Variants in IFT74 observed in about 807,000 individuals in gnomAD.
IFT74 encodes intraflagellar transport protein 74 homolog.
In IFT74, 92 loss-of-function variants were observed where a neutral mutation model predicts 96.7. The observed-to-expected ratio is 0.95, with a 90% CI of 0.80 to 1.13. IFT74 has a LOEUF of 1.13. IFT74 is among the 50% of genes most tolerant of loss of function. The pLI is 0.00. For synonymous variants in IFT74, 223 were observed against 213.2 expected, an observed-to-expected ratio of 1.05 and a Z score of -0.40; for missense variants, 811 against 698.2, an observed-to-expected ratio of 1.16 and a Z score of -1.82.
At chr9:26,971,553 A>T (rs1188715236) in intron 2 of IFT74, among the ~76,000 whole-genome samples, 1 of 152,102 alleles carries the variant, frequency 6.6e-6, no homozygotes, top group Non-Finnish European at 1.5e-5. Context: ...GGAAGAGAAA[A>T]TGGGGACTGT....
chr9:26,985,824 T>C (rs1827607667), intron 6 of IFT74, among the ~76,000 whole-genome samples: 1 of 152,212 alleles, frequency 6.6e-6, no homozygotes, highest in Admixed American at 6.5e-5. Context: ...GTTGTCATCT[T>C]GAAAATTTTG....
At chr9:26,952,434 G>T (rs1476654198), upstream of IFT74, among the ~76,000 whole-genome samples, 1 of 151,894 alleles carries the variant, frequency 6.6e-6, no homozygotes, top group Non-Finnish European at 1.5e-5. Context: ...CTGTCACCAT[G>T]CCCGGCTAAT....
chr9:26,995,282 A>G (rs370058585), intron 8 of IFT74: 2 of 355,202 alleles, frequency 5.6e-6, no homozygotes, highest in East Asian at 5.0e-5. Context: ...AAGCACTGCT[A>G]AGAATAGTAG....
At chr9:26,958,043 G>A (rs1826198933) in intron 1 of IFT74, among the ~76,000 whole-genome samples, 1 of 152,062 alleles carries the variant, frequency 6.6e-6, no homozygotes, top group African/African-American at 2.4e-5. Context: ...GTGAGCCACC[G>A]CTCCCGGTCG....
chr9:27,017,021 A>G lies in IFT74; in HGVS notation c.904A>G (p.Met302Val), dbSNP rs764370897. 3 of 1,607,814 alleles carry G rather than the reference A, an allele frequency of 1.9e-6. No individual in the cohort carries two copies. The highest frequency in any genetic ancestry group is 1.7e-5 in the Admixed American group (1 of 58,584). ...IAEDKSIGSP[M>V]EEREKLLKQI... is the part of the protein sequence containing the mutation. ...AGAAGACAAAAGCATAGGATCTCCA[A>G]TGGAAGAGAGAGAGAAATTACTTAA... is the stretch of plus-strand genomic sequence containing the variant. Residue 302 changes from methionine to valine, a missense_variant, in exon 11 of 20, where the codon ATG (methionine) becomes GTG (valine). Transcript: ENST00000380062.
At chr9:26,994,869 T>C (rs1828062238) in intron 8 of IFT74, 1 of 152,706 alleles carries the variant, frequency 6.5e-6, no homozygotes, top group East Asian at 1.9e-4. Context: ...AGTATGACAT[T>C]AAACTGTAGT....
rs771089503 is a variant in IFT74, at chr9:27,060,555, T to C, written c.1624-36T>C. On this transcript the variant is annotated intron_variant, in intron 18 of 19. Coordinates refer to ENST00000380062, the MANE Select transcript of IFT74 (RefSeq NM_025103.4). ...GAAAGGCATTTAATTGTTTTAAATA[T>C]GGGTCCTAATTAATATTTTTCTTTT... The C allele has an allele frequency of 5.0e-6, 7 of 1,391,870 alleles. No homozygotes were observed. In the South Asian group the frequency reaches 6.5e-5, roughly 13 times the overall value. 86.2% of individuals were successfully genotyped at this position (1,391,870 alleles called of 1,614,324 possible). A position where few individuals can be genotyped will look rare whatever the true frequency, so the allele number is the denominator to read the frequency against.
intron 6 of IFT74, among the ~76,000 whole-genome samples, chr9:26,987,152 T>G (rs1827676367): frequency 6.6e-6 from 1 of 152,068 alleles, no homozygotes; most frequent in Admixed American, 6.6e-5. Context: ...TGGGTTCAAG[T>G]GATTATCCTG....
chr9:26,950,572 G>A (rs558433486), intron 1 of IFT74, among the ~76,000 whole-genome samples: 8 of 152,146 alleles, frequency 5.3e-5, no homozygotes, highest in Admixed American at 1.3e-4. Flanking sequence ...ACAATAAAAC[G>A]ACAACAACAA....
chr9:26,975,498 G>A (rs1012224201), intron 2 of IFT74, among the ~76,000 whole-genome samples: 2 of 152,118 alleles, frequency 1.3e-5, no homozygotes, highest in African/African-American at 4.8e-5. Context: ...TTTCTTTTAT[G>A]TTTAGTTCTT....
intron 2 of IFT74, among the ~76,000 whole-genome samples, chr9:26,975,489 T>C (rs984195149): frequency 1.6e-4 from 25 of 152,244 alleles, no homozygotes; most frequent in Non-Finnish European, 3.2e-4. Flanking sequence ...ATTTGCTCTT[T>C]TCTTTTATGT....
At chr9:27,027,347 G>A (rs545391906) in intron 12 of IFT74, among the ~76,000 whole-genome samples, 1 of 152,144 alleles carries the variant, frequency 6.6e-6, no homozygotes. Flanking sequence ...AAAAAGTCCA[G>A]GACCAGATGG....
chr9:27,056,762 T>C (rs1266667906), intron 18 of IFT74, among the ~76,000 whole-genome samples: 1 of 151,866 alleles, frequency 6.6e-6, no homozygotes, highest in Non-Finnish European at 1.5e-5. Flanking sequence ...TAAAAATCCA[T>C]AAAATCACAA....
At chr9:26,954,895 A>G (rs573845450), upstream of IFT74, among the ~76,000 whole-genome samples, 2 of 152,310 alleles carry the variant, frequency 1.3e-5, no homozygotes, top group Admixed American at 1.3e-4. Flanking sequence ...TCCAAAGTCA[A>G]ATAAGATATG....
intron 18 of IFT74, among the ~76,000 whole-genome samples, chr9:27,059,193 T>C (rs1820302063): frequency 6.6e-6 from 1 of 152,242 alleles, no homozygotes; most frequent in Non-Finnish European, 1.5e-5. Context: ...AATCCTTCTC[T>C]GTGTTATTTG....
Position 26,966,518 on chromosome 9 carries a change from T to C in IFT74, c.120+4431T>C, listed in dbSNP as rs571327018. Among the ~76,000 whole-genome samples the C allele has an allele frequency of 5.3e-5, 8 of 152,050 alleles. No individual in the cohort carries two copies. The South Asian group carries it at 1.4e-3, about 28-fold the overall frequency. On this transcript the variant is annotated intron_variant, in intron 2 of 19. Coordinates refer to ENST00000380062, the MANE Select transcript of IFT74 (RefSeq NM_025103.4). ...CAGACCTTTTGCCCGTTTTTTATTG[T>C]ATTATTAGATTTTTTTGCTAGTGAG...
chr9:26,947,263 T>C (rs1048591757), intron 1 of IFT74: 1 of 549,468 alleles, frequency 1.8e-6, no homozygotes, highest in Non-Finnish European at 3.2e-6. Context: ...CCGGAATTCA[T>C]CATCGGCCTC....
At chr9:27,038,507 G>T (rs963696581) in intron 13 of IFT74, among the ~76,000 whole-genome samples, 19 of 152,156 alleles carry the variant, frequency 1.2e-4, no homozygotes, top group African/African-American at 4.6e-4. Flanking sequence ...TCAAACTCCT[G>T]ACCTCGTGGT....
chr9:26,978,085 T>C (rs1417472265), intron 2 of IFT74, 43 bp from the exon 3 acceptor site: 1 of 1,529,902 alleles, frequency 6.5e-7, no homozygotes, highest in Non-Finnish European at 8.8e-7. Context: ...ATGTACAGTG[T>C]TTTTTCTGGT....
Sources: gnomAD v4.1 joint callset for allele counts (sites outside exome capture counted in the v4.1 genomes callset) on GRCh38, gnomAD v4.1.1 for gene constraint, MANE v1.5 for transcripts, NCBI Gene and HGNC (gene_info 2026-07-23, HGNC 2026-07-21) for gene names.